The following FKTN variants were observed in gnomAD, a reference collection of about 807,000 sequenced individuals.
FKTN encodes the protein ribitol-5-phosphate transferase FKTN.
FKTN carries 47 observed loss-of-function variants against 58.6 expected under a neutral mutation model. The ratio of observed to expected loss-of-function variants is 0.80; its 90% confidence interval spans 0.63 to 1.02. The LOEUF (loss-of-function observed/expected upper bound fraction) is 1.02, where lower values mean the gene tolerates loss of function less well. FKTN is among the 50% of genes least tolerant of loss of function. The pLI is 0.00. For missense variants in FKTN, 516 were observed against 537.3 expected, an observed-to-expected ratio of 0.96 and a Z score of 0.39; for synonymous variants, 178 against 191.9, an observed-to-expected ratio of 0.93 and a Z score of 0.60.
intron 1 of FKTN, among the ~76,000 whole-genome samples, chr9:105,569,183 A>G (rs1247599511): frequency 1.3e-5 from 2 of 152,158 alleles, no homozygotes; most frequent in African/African-American, 4.8e-5. Flanking sequence ...AGATATACCT[A>G]ATGTAAATGA....
intron 7 of FKTN, among the ~76,000 whole-genome samples, chr9:105,608,301 C>G (rs2132915407): frequency 6.6e-6 from 1 of 152,192 alleles, no homozygotes; most frequent in East Asian, 1.9e-4. Flanking sequence ...GAAGATGGAC[C>G]ATGTAGATTT....
chr9:105,561,131 G>T (rs747210058), intron 1 of FKTN, among the ~76,000 whole-genome samples: 25 of 151,474 alleles, frequency 1.7e-4, no homozygotes, highest in Non-Finnish European at 2.9e-4. Flanking sequence ...TTGGGAGCCG[G>T]ACAGTGTCTC....
chr9:105,589,535 A>T (rs7037972), intron 3 of FKTN, among the ~76,000 whole-genome samples: 39,670 of 151,818 alleles, frequency 0.26, 5,470 homozygotes, highest in Non-Finnish European at 0.31. Context: ...TACTAACAAA[A>T]TGGTATAATC....
chr9:105,569,115 G>A (rs555837338), intron 1 of FKTN, among the ~76,000 whole-genome samples: 5 of 152,108 alleles, frequency 3.3e-5, no homozygotes, highest in African/African-American at 9.6e-5. Context: ...CAGGAAGGGG[G>A]ACATCACACA....
chr9:105,638,491 G>A lies in FKTN; in HGVS notation c.*3227G>A. The A allele has an allele frequency of 1.0e-6, 1 of 985,352 alleles. No homozygotes were observed. Among genetic ancestry groups the A allele is most frequent in the Non-Finnish European group, 1.2e-6 (1 of 829,908 alleles). 61.0% of individuals were successfully genotyped at this position (985,352 alleles called of 1,614,324 possible). A position where few individuals can be genotyped will look rare whatever the true frequency, so the allele number is the denominator to read the frequency against. ...CTCTAAGCTCAAGATGCATCCCATT[G>A]CCACTTTACCATTCTATTTCCCAAG... On this transcript the variant is annotated 3_prime_UTR_variant, in exon 11 of 11. Transcript: ENST00000357998.
chr9:105,633,822 G>A (rs1833765910), intron 10 of FKTN, among the ~76,000 whole-genome samples: 1 of 152,126 alleles, frequency 6.6e-6, no homozygotes, highest in African/African-American at 2.4e-5. Context: ...ACCTTTTCTT[G>A]GAGAACATCC....
At chr9:105,581,980 C>A (rs568039129) in intron 3 of FKTN, among the ~76,000 whole-genome samples, 5 of 152,326 alleles carry the variant, frequency 3.3e-5, no homozygotes, top group Non-Finnish European at 7.3e-5. Context: ...AACTCCCTGA[C>A]ACCTTGCGCT....
intron 1 of FKTN, among the ~76,000 whole-genome samples, chr9:105,563,513 C>A (rs781524342): frequency 2.0e-4 from 31 of 152,282 alleles, no homozygotes; most frequent in South Asian, 1.7e-3. Flanking sequence ...TATCCCACGC[C>A]TGGCTCGGAG....
chr9:105,584,621 A>T (rs1843591370), intron 3 of FKTN, among the ~76,000 whole-genome samples: 1 of 152,056 alleles, frequency 6.6e-6, no homozygotes, highest in Non-Finnish European at 1.5e-5. Context: ...AGAGTTTGAA[A>T]CCAGCCATGG....
At chr9:105,570,697 T>C (rs1840589877) in intron 1 of FKTN, among the ~76,000 whole-genome samples, 1 of 152,186 alleles carries the variant, frequency 6.6e-6, no homozygotes, top group Admixed American at 6.5e-5. Context: ...GCTTAGCATT[T>C]TTTTTTGGCA....
chr9:105,636,005 T>C lies in FKTN; in HGVS notation c.*741T>C, dbSNP rs1246156357. The stretch of plus-strand genomic sequence containing the variant: ...CATTGTGAGAATATTTTCACTGACC[T>C]CTGATGGCACTTGTTGACAAATCAT... On this transcript the variant is annotated 3_prime_UTR_variant, in exon 11 of 11. Coordinates refer to ENST00000357998, the MANE Select transcript of FKTN (RefSeq NM_001079802.2). 2 of 985,488 alleles carry C rather than the reference T, an allele frequency of 2.0e-6. No homozygotes were observed. Among genetic ancestry groups the C allele is most frequent in the African/African-American group, 3.5e-5 (2 of 57,236 alleles). 61.0% of individuals were successfully genotyped at this position (985,488 alleles called of 1,614,324 possible).
At chr9:105,596,707 A>T (rs1259494248) in intron 4 of FKTN, 50 bp downstream of exon 4, 1 of 1,215,180 alleles carries the variant, frequency 8.2e-7, no homozygotes, top group Non-Finnish European at 1.2e-6. Flanking sequence ...CATTTAGTTC[A>T]TTCATTTACT....
chr9:105,635,682 C>A lies in FKTN; in HGVS notation c.*418C>A. 9.4e-7 allele frequency: 1 copy of A among 1,062,754 alleles called. No individual in the cohort carries two copies. The highest frequency in any genetic ancestry group is 1.1e-6 in the Non-Finnish European group (1 of 877,776). 65.8% of individuals were successfully genotyped at this position (1,062,754 alleles called of 1,614,324 possible). On this transcript the variant is annotated 3_prime_UTR_variant, in exon 11 of 11. Coordinates refer to ENST00000357998, the MANE Select transcript of FKTN (RefSeq NM_001079802.2). ...ACTAGTTGAAAAGAATAACCCACTC[C>A]TCTTCTGGGCATTTAAGCTGGTATG...
intron 1 of FKTN, among the ~76,000 whole-genome samples, chr9:105,560,820 G>A (rs1351683183): frequency 6.6e-6 from 1 of 152,186 alleles, no homozygotes; most frequent in Non-Finnish European, 1.5e-5. Flanking sequence ...CAGGCACGGT[G>A]GCTCACGTCT....
At chr9:105,633,816 T>C (rs1171090642) in intron 10 of FKTN, among the ~76,000 whole-genome samples, 1 of 152,190 alleles carries the variant, frequency 6.6e-6, no homozygotes, top group African/African-American at 2.4e-5. Context: ...GAACTGACCT[T>C]TTCTTGGAGA....
chr9:105,587,368 C>T (rs1844096881), intron 3 of FKTN, among the ~76,000 whole-genome samples: 1 of 152,052 alleles, frequency 6.6e-6, no homozygotes, highest in Admixed American at 6.6e-5. Context: ...TCACAGTGAG[C>T]AATTTTATAT....
At chr9:105,632,421 A>AT (rs1051999185) in intron 10 of FKTN, among the ~76,000 whole-genome samples, 10 of 143,482 alleles carry the variant, frequency 7.0e-5, no homozygotes, top group African/African-American at 2.6e-4. Context: ...AAGTATAATA[A>AT]AAAAAAATAT....
chr9:105,566,891 C>A (rs1403266738), intron 1 of FKTN, among the ~76,000 whole-genome samples: 1 of 152,124 alleles, frequency 6.6e-6, no homozygotes, highest in African/African-American at 2.4e-5. Context: ...ATGCAAAAAT[C>A]CTCAATAAAA....
rs974935992 is a variant in FKTN, at chr9:105,592,845, A to C, written c.106-3753A>C. On this transcript the variant is annotated intron_variant, in intron 3 of 10. Transcript: ENST00000357998. ...CCTGGGCTTCATTGTCCATATCACT[A>C]TAAGCATCTTGATCACAACCATTCA... 2.0e-5 allele frequency among the ~76,000 whole-genome samples: 3 copies of C among 152,176 alleles called. No individual in the cohort carries two copies. The East Asian group carries it at 5.8e-4, about 29-fold the overall frequency.
Sources: allele counts gnomAD v4.1 joint callset (sites outside exome capture counted in the v4.1 genomes callset), GRCh38; gene constraint gnomAD v4.1.1; transcripts MANE v1.5; gene names NCBI Gene and HGNC (gene_info 2026-07-23, HGNC 2026-07-21).